DDX21: variants seen among roughly 807,000 people sequenced by gnomAD.
DDX21 encodes DExD-box helicase 21.
A neutral mutation model predicts 90.0 loss-of-function variants in DDX21; 18 were observed. The ratio of observed to expected loss-of-function variants is 0.20; its 90% CI spans 0.14 to 0.30. The LOEUF is 0.30. Among genes scored for constraint, DDX21 ranks in the 10% least tolerant of loss-of-function variants. The pLI is 1.00. For synonymous variants in DDX21, 294 were observed against 318.0 expected, an observed-to-expected ratio of 0.92 and a Z score of 0.80; for missense variants, 673 against 944.5, an observed-to-expected ratio of 0.71 and a Z score of 3.77.
chr10:68,961,892 T>C (rs1017124861), intron 2 of DDX21, among the ~76,000 whole-genome samples, 190 bp from the exon 3 acceptor site: 1 of 152,230 alleles, frequency 6.6e-6, no homozygotes, highest in Admixed American at 6.5e-5. Flanking sequence ...GTTTTATAGA[T>C]TTATGACAAT....
At chr10:68,972,753 T>C (rs912940012) in intron 9 of DDX21, among the ~76,000 whole-genome samples, 11 of 152,224 alleles carry the variant, frequency 7.2e-5, no homozygotes, top group Non-Finnish European at 1.0e-4. Context: ...GTGGTCTGAA[T>C]TGATCTGTGT....
At chr10:68,956,769 G>A (rs925739659) in intron 1 of DDX21, 11 of 1,003,306 alleles carry the variant, frequency 1.1e-5, no homozygotes, top group Non-Finnish European at 1.3e-5. Context: ...GAGGCCGGGT[G>A]CGGTGGCTCA....
intron 13 of DDX21, among the ~76,000 whole-genome samples, chr10:68,980,624 G>A (rs1258989130): frequency 5.3e-5 from 8 of 152,136 alleles, no homozygotes; most frequent in Non-Finnish European, 8.8e-5. Context: ...GAAGACAGCA[G>A]GGAGAGGAGT....
At chr10:68,981,689 A>G in intron 14 of DDX21, 108 bp downstream of exon 14, 1 of 1,006,498 alleles carries the variant, frequency 9.9e-7, no homozygotes, top group Non-Finnish European at 1.5e-6. Flanking sequence ...TTCCTTTAGT[A>G]AGAGATAATC....
chr10:68,972,131 T>G, intron 9 of DDX21, 79 bp downstream of exon 9: 2 of 1,482,238 alleles, frequency 1.3e-6, no homozygotes, highest in Non-Finnish European at 9.2e-7. Flanking sequence ...TATTATTTAC[T>G]TTCATGTCAT....
chr10:68,981,851 T>TTGTG (rs141752628), intron 14 of DDX21, among the ~76,000 whole-genome samples: 52 of 148,922 alleles, frequency 3.5e-4, no homozygotes, highest in Admixed American at 4.7e-4. Flanking sequence ...TATATAGATT[T>TTGTG]TGTGTGTGTG....
At chr10:68,961,970 T>A (rs955544968) in intron 2 of DDX21, 112 bp from the exon 3 acceptor site, 1 of 715,934 alleles carries the variant, frequency 1.4e-6, no homozygotes, top group Non-Finnish European at 2.3e-6. Context: ...TTTAAAGTGA[T>A]GTGTTTAGAA....
At position 68,982,955 on chromosome 10, in the gene DDX21, A is replaced by G; in HGVS notation, c.*143A>G. 1 of 992,232 alleles carries G rather than the reference A, an allele frequency of 1.0e-6. No homozygotes were observed. The highest frequency in any genetic ancestry group is 2.6e-5 in the East Asian group (1 of 38,026). The allele number at this position is 992,232 out of a possible 1,614,324, so 61.5% of individuals were successfully genotyped here. A position where few individuals can be genotyped will look rare whatever the true frequency, so the allele number is the denominator to read the frequency against. ...TCCCTGTCTCTTTCAGACACAGACAAGCTTCATTTAAATTATTTCATCTGA... is the reference window on the plus strand; with the variant it reads ...TCCCTGTCTCTTTCAGACACAGACAGGCTTCATTTAAATTATTTCATCTGA... On this transcript the variant is annotated 3_prime_UTR_variant, in exon 15 of 15. Transcript: ENST00000354185.
Position 68,966,124 on chromosome 10 carries a change from G to A in DDX21, c.904+630G>A, listed in dbSNP as rs529751208. 8.6e-5 allele frequency among the ~76,000 whole-genome samples: 13 copies of A among 151,194 alleles called. No homozygotes were observed. In the South Asian group the frequency reaches 1.5e-3, roughly 17 times the overall value. On this transcript the variant is annotated intron_variant, in intron 5 of 14. Coordinates refer to ENST00000354185, the MANE Select transcript of DDX21 (RefSeq NM_004728.4). ...ATCCTGGCTAACACGGTAAAACCCC[G>A]TCTCTACTAAAAATACAAAAAATTA...
rs368655803 is a variant in DDX21 at position 68,985,056 on chromosome 10, T to C, written c.*2244T>C. On this transcript the variant is annotated 3_prime_UTR_variant, in exon 15 of 15. Transcript: ENST00000354185. ...ATACTGCTGTATACCATAATAAAGA[T>C]AGTAATACTTGATTTTAGTGGCTTT... 5.3e-5 allele frequency: 8 copies of C among 152,262 alleles called. No homozygotes were observed. The East Asian group carries it at 1.5e-3, about 29-fold the overall frequency. 9.4% of individuals were successfully genotyped at this position (152,262 alleles called of 1,614,324 possible). A position where few individuals can be genotyped will look rare whatever the true frequency, so the allele number is the denominator to read the frequency against.
Position 68,983,664 on chromosome 10 carries a change from T to G in DDX21, c.*852T>G, listed in dbSNP as rs1589290936. 1 of 120,518 alleles carries G rather than the reference T, an allele frequency of 8.3e-6. No individual in the cohort carries two copies. 7.5% of individuals were successfully genotyped at this position (120,518 alleles called of 1,614,324 possible). A position where few individuals can be genotyped will look rare whatever the true frequency, so the allele number is the denominator to read the frequency against. The stretch of plus-strand genomic sequence containing the variant: ...ATTTACCAAGAAGGACTTAAGGGAG[T>G]AGGGGGCGCAGATTAGCATTGCTCA... On this transcript the variant is annotated 3_prime_UTR_variant, in exon 15 of 15. Transcript: ENST00000354185.
chr10:68,973,601 G>T lies in DDX21; in HGVS notation c.1605G>T (p.Gly535=), dbSNP rs1186249448. 1.9e-6 allele frequency: 3 copies of T among 1,614,108 alleles called. No individual in the cohort carries two copies. The East Asian group carries it at 6.7e-5, about 36-fold the overall frequency. The part of the protein sequence containing the change: ...SGRTGRAGRT[G]VCICFYQHKE... Reference sequence around the variant, plus strand: ...GGACAGGCAGAGCTGGAAGGACGGGGGTGTGCATCTGCTTTTATCAGCACA... The same window carrying T: ...GGACAGGCAGAGCTGGAAGGACGGGTGTGTGCATCTGCTTTTATCAGCACA... Residue 535 remains glycine, a synonymous_variant, in exon 10 of 15, where the codon GGG becomes GGT. Coordinates refer to ENST00000354185, the MANE Select transcript of DDX21 (RefSeq NM_004728.4).
chr10:68,968,947 A>G (rs1274450539), intron 6 of DDX21, 29 bp from the exon 7 acceptor site: 15 of 1,610,938 alleles, frequency 9.3e-6, no homozygotes, highest in South Asian at 3.3e-5. Flanking sequence ...GATTATTCAT[A>G]CTGACTTTTT....
At chr10:68,958,303 C>T (rs1301242021) in intron 1 of DDX21, among the ~76,000 whole-genome samples, 1 of 151,940 alleles carries the variant, frequency 6.6e-6, no homozygotes, top group East Asian at 1.9e-4. Flanking sequence ...CAGAGTCTTA[C>T]TGTCACCCAA....
chr10:68,969,185 T>A, intron 7 of DDX21, 64 bp downstream of exon 7: 1 of 1,449,408 alleles, frequency 6.9e-7, no homozygotes, highest in Non-Finnish European at 9.3e-7. Context: ...TCTGTTAGTA[T>A]TAAGACTGGC....
rs754031975 is a variant in DDX21 at position 68,982,764 on chromosome 10, C to T, written c.2304C>T (p.Ser768=). 1.2e-6 allele frequency: 2 copies of T among 1,613,974 alleles called. No individual in the cohort carries two copies. Among genetic ancestry groups the T allele is most frequent in the Admixed American group, 3.3e-5 (2 of 59,992 alleles). ...RSGGGNKSNR[S]QNKGQKRSFS... The stretch of plus-strand genomic sequence containing the variant: ...GAGGTGGCAACAAAAGTAACAGATC[C>T]CAAAACAAAGGCCAGAAGCGGAGTT... Residue 768 remains serine, a synonymous_variant, in exon 15 of 15, where the codon TCC becomes TCT. Transcript: ENST00000354185.
At chr10:68,978,067 C>G (rs1342442669) in intron 12 of DDX21, among the ~76,000 whole-genome samples, 1 of 152,110 alleles carries the variant, frequency 6.6e-6, no homozygotes, top group East Asian at 1.9e-4. Context: ...CTGCAGAGAT[C>G]CATGATGGTG....
rs978954459 is a variant in DDX21 at position 68,983,555 on chromosome 10, C to T, written c.*743C>T. 5.3e-5 allele frequency: 8 copies of T among 151,808 alleles called. No individual in the cohort carries two copies. Among genetic ancestry groups the T allele is most frequent in the African/African-American group, 1.9e-4 (8 of 41,320 alleles). 9.4% of individuals were successfully genotyped at this position (151,808 alleles called of 1,614,324 possible). On this transcript the variant is annotated 3_prime_UTR_variant, in exon 15 of 15. Transcript: ENST00000354185. ...GGAATTTCACATGTATAAGGTGGCT[C>T]CATAGCTTTATTTGTAAGTAGGCTG...
At chr10:68,956,395 C>T (rs1286042703) in intron 1 of DDX21, 83 bp downstream of exon 1, 17 of 1,578,012 alleles carry the variant, frequency 1.1e-5, no homozygotes, top group Non-Finnish European at 1.5e-5. Context: ...GGGCTGGGAT[C>T]GTGGGAGCGC....
Sources: gnomAD v4.1 joint callset for allele counts (sites outside exome capture counted in the v4.1 genomes callset) on GRCh38, gnomAD v4.1.1 for gene constraint, MANE v1.5 for transcripts, NCBI Gene and HGNC (gene_info 2026-07-23, HGNC 2026-07-21) for gene names.